Variants in TBC1D22A observed in about 807,000 individuals in gnomAD.
TBC1D22A encodes TBC1 domain family member 22A.
Under a neutral mutation model 60.2 loss-of-function variants are expected in TBC1D22A, and 38 were observed. That is an observed-to-expected ratio of 0.63 (90% confidence interval 0.49 to 0.83). The LOEUF is 0.83. Ranked by LOEUF, TBC1D22A falls within the 40% of genes least tolerant of loss-of-function variation. The pLI is 0.00. For missense variants in TBC1D22A, 628 were observed against 701.0 expected (o/e 0.90, Z 1.18); for synonymous variants, 302 against 281.7 (o/e 1.07, Z -0.72).
intron 11 of TBC1D22A, among the ~76,000 whole-genome samples, chr22:47,086,569 T>C (rs2064697447): frequency 6.6e-6 from 1 of 152,334 alleles, no homozygotes; most frequent in African/African-American, 2.4e-5. Context: ...GCTACAATTA[T>C]TTCGGGATAA....
intron 8 of TBC1D22A, among the ~76,000 whole-genome samples, chr22:46,961,587 G>A (rs2073508017): frequency 6.6e-6 from 1 of 152,214 alleles, no homozygotes; most frequent in African/African-American, 2.4e-5. Context: ...TCATGCTTGC[G>A]GCCTTGGTTT....
chr22:47,000,675 A>G (rs2061378285), intron 10 of TBC1D22A, among the ~76,000 whole-genome samples: 1 of 152,158 alleles, frequency 6.6e-6, no homozygotes, highest in African/African-American at 2.4e-5. Flanking sequence ...GTTCCCACAG[A>G]ATCAGAGAGG....
chr22:47,025,886 G>T (rs1291566138), intron 10 of TBC1D22A, among the ~76,000 whole-genome samples: 2 of 152,188 alleles, frequency 1.3e-5, no homozygotes, highest in Non-Finnish European at 2.9e-5. Flanking sequence ...TGTGCTTAGA[G>T]GGAAACGTAT....
chr22:47,000,319 G>A (rs1170071021), intron 10 of TBC1D22A, among the ~76,000 whole-genome samples: 1 of 152,146 alleles, frequency 6.6e-6, no homozygotes, highest in South Asian at 2.1e-4. Context: ...CTGGTGAGGG[G>A]TGAGAGGGCA....
intron 11 of TBC1D22A, among the ~76,000 whole-genome samples, chr22:47,105,908 A>G (rs2065617964): frequency 6.6e-6 from 1 of 152,262 alleles, no homozygotes; most frequent in Non-Finnish European, 1.5e-5. Flanking sequence ...AGATCTACAG[A>G]GATTTTAGAA....
intron 11 of TBC1D22A, among the ~76,000 whole-genome samples, chr22:47,098,226 G>A (rs1481075942): frequency 6.6e-6 from 1 of 152,180 alleles, no homozygotes; most frequent in African/African-American, 2.4e-5. Flanking sequence ...TAAAGATGGT[G>A]TTGGCTCTAA....
chr22:47,045,641 A>G (rs2063007105), intron 11 of TBC1D22A, among the ~76,000 whole-genome samples: 1 of 152,134 alleles, frequency 6.6e-6, no homozygotes, highest in African/African-American at 2.4e-5. Flanking sequence ...CTTTTCTCCC[A>G]TTGTGTTCAT....
At chr22:47,080,127 C>G (rs1319998641) in intron 11 of TBC1D22A, among the ~76,000 whole-genome samples, 1 of 148,414 alleles carries the variant, frequency 6.7e-6, no homozygotes. Flanking sequence ...TTACATGAAG[C>G]ACAAATGGAC....
At chr22:47,164,967 G>T (rs925419259) in intron 12 of TBC1D22A, among the ~76,000 whole-genome samples, 8 of 152,192 alleles carry the variant, frequency 5.3e-5, no homozygotes, top group African/African-American at 1.9e-4. Context: ...GTGGTCCATG[G>T]AGACTGTTGT....
chr22:47,111,412 C>A, intron 11 of TBC1D22A, 96 bp from the exon 12 acceptor site: 1 of 1,126,842 alleles, frequency 8.9e-7, no homozygotes, highest in Non-Finnish European at 1.3e-6. Flanking sequence ...CCTCTGAACC[C>A]TGACTAGATA....
chr22:46,828,843 G>T (rs1017789972), intron 4 of TBC1D22A, among the ~76,000 whole-genome samples: 2 of 152,170 alleles, frequency 1.3e-5, no homozygotes, highest in East Asian at 1.9e-4. Flanking sequence ...ACAGATACAC[G>T]CCCTCACGTT....
intron 11 of TBC1D22A, among the ~76,000 whole-genome samples, chr22:47,107,956 A>C (rs918093008): frequency 2.0e-5 from 3 of 152,212 alleles, no homozygotes; most frequent in African/African-American, 7.2e-5. Flanking sequence ...TGAGTTAGGC[A>C]ATGATTTTTT....
chr22:47,019,717 G>T (rs12159440), intron 10 of TBC1D22A, among the ~76,000 whole-genome samples: 63,238 of 151,580 alleles, frequency 0.42, 14,977 homozygotes, highest in African/African-American at 0.66. Flanking sequence ...TGCTTTTCCC[G>T]GAAGGTATGC....
intron 11 of TBC1D22A, among the ~76,000 whole-genome samples, chr22:47,037,462 C>A (rs1349175747): frequency 6.6e-6 from 1 of 152,126 alleles, no homozygotes; most frequent in Non-Finnish European, 1.5e-5. Flanking sequence ...AAAACCCCGT[C>A]TCTACTAAAA....
chr22:46,773,872 G>T (rs1260832795), intron 1 of TBC1D22A: 1 of 937,320 alleles, frequency 1.1e-6, no homozygotes, highest in Non-Finnish European at 1.3e-6. Flanking sequence ...CAGAAGCTGA[G>T]CTACGTGCTC....
intron 12 of TBC1D22A, among the ~76,000 whole-genome samples, chr22:47,137,543 A>G (rs1200422700): frequency 6.6e-6 from 1 of 152,036 alleles, no homozygotes; most frequent in African/African-American, 2.4e-5. Flanking sequence ...GGTGCTGGAT[A>G]CCTCTGCCCA....
At chr22:46,775,148 G>T (rs148213608) in intron 1 of TBC1D22A, among the ~76,000 whole-genome samples, 2 of 152,366 alleles carry the variant, frequency 1.3e-5, no homozygotes, top group Admixed American at 6.5e-5. Flanking sequence ...CAGAGGACCC[G>T]GTCTTGGAAA....
chr22:47,085,253 C>T (rs1481571351), intron 11 of TBC1D22A, among the ~76,000 whole-genome samples: 1 of 152,180 alleles, frequency 6.6e-6, no homozygotes, highest in Non-Finnish European at 1.5e-5. Context: ...GCACTTTAGC[C>T]TGGGTGATAG....
intron 10 of TBC1D22A, among the ~76,000 whole-genome samples, chr22:47,004,247 T>C (rs1045145913): frequency 3.4e-5 from 5 of 145,142 alleles, no homozygotes; most frequent in Non-Finnish European, 6.0e-5. Context: ...GCATCTGCCA[T>C]ATACACATAT....
Sources: allele counts gnomAD v4.1 joint callset (sites outside exome capture counted in the v4.1 genomes callset), GRCh38; gene constraint gnomAD v4.1.1; transcripts MANE v1.5; gene names NCBI Gene and HGNC (gene_info 2026-07-23, HGNC 2026-07-21).